Variants in B9D1 observed in about 807,000 individuals in gnomAD.
B9D1 encodes B9 domain-containing protein 1.
In B9D1, 20 loss-of-function variants were observed where a neutral mutation model predicts 26.1. That is an observed-to-expected ratio of 0.77 (90% CI 0.54 to 1.12). The LOEUF (loss-of-function observed/expected upper bound fraction) is 1.12, where lower values mean the gene tolerates loss of function less well. Among genes scored for constraint, B9D1 ranks in the 50% most tolerant of loss-of-function variants. B9D1 has a pLI of 0.00. For missense variants in B9D1, 260 were observed against 273.7 expected, an observed-to-expected ratio of 0.95 and a Z score of 0.35; for synonymous variants, 105 against 103.1, an observed-to-expected ratio of 1.02 and a Z score of -0.11.
chr17:19,343,508 G>A, intron 6 of B9D1, 47 bp from the exon 7 acceptor site: 7 of 1,613,254 alleles, frequency 4.3e-6, no homozygotes, highest in Non-Finnish European at 5.9e-6. Context: ...GGGGCAGAGA[G>A]AGACCCAGGT....
upstream of B9D1, among the ~76,000 whole-genome samples, chr17:19,365,836 TG>T (rs1181527893): frequency 6.6e-6 from 1 of 152,148 alleles, no homozygotes; most frequent in African/African-American, 2.4e-5. The surrounding 1 kb of genome is among the most constrained non-coding windows in gnomAD (Gnocchi z 5.0). Flanking sequence ...TCCATACATT[TG>T]TAGCTATTCT....
At chr17:19,341,207 C>T, downstream of B9D1, 4 of 1,231,640 alleles carry the variant, frequency 3.2e-6, no homozygotes, top group Non-Finnish European at 4.0e-6. Context: ...CTTGTACGTG[C>T]ACACCACAGG....
downstream of B9D1, among the ~76,000 whole-genome samples, chr17:19,341,658 GT>G (rs1409361732): frequency 6.6e-6 from 1 of 152,238 alleles, no homozygotes; most frequent in African/African-American, 2.4e-5. Context: ...GCATGAGGGA[GT>G]TGTCTAGGGA....
intron 3 of B9D1, among the ~76,000 whole-genome samples, chr17:19,350,760 A>T (rs547323529): frequency 3.2e-4 from 48 of 152,062 alleles, no homozygotes; most frequent in Middle Eastern, 3.4e-3. Flanking sequence ...TTCTATTCCT[A>T]GTTTACTAAG....
rs948414921 is a variant in B9D1, at chr17:19,354,527, T to A, written c.244+3313A>T. ...CAAATGCATACATCTGTGTACTAGCTGCTTTCAAGATTTTCTTTTTGGCTG... is the reference window on the plus strand; with the variant it reads ...CAAATGCATACATCTGTGTACTAGCAGCTTTCAAGATTTTCTTTTTGGCTG... On this transcript the variant is annotated intron_variant, in intron 3 of 6. Transcript: ENST00000261499. Among the ~76,000 whole-genome samples the A allele has an allele frequency of 3.0e-4, 46 of 152,364 alleles. 1 individual carries two copies. Among genetic ancestry groups the A allele is most frequent in the African/African-American group, 1.0e-3 (42 of 41,596 alleles).
At position 19,372,451 on chromosome 17, in the gene B9D1, C is replaced by T. The variant is rs910402254; in HGVS notation, c.-298+5408G>A. ...GCCTTCTCGTGGCCCTGAGATGTGCCACACTCTCACCCGCATCAGCTCTGT... is the reference window on the plus strand; with the variant it reads ...GCCTTCTCGTGGCCCTGAGATGTGCTACACTCTCACCCGCATCAGCTCTGT... On this transcript the variant is annotated intron_variant, in intron 1 of 5. Transcript: ENST00000477478. The surrounding 1 kb of genome is among the most constrained non-coding windows in gnomAD (Gnocchi z 4.4). Among the ~76,000 whole-genome samples the T allele has an allele frequency of 6.6e-6, 1 of 152,216 alleles. No individual in the cohort carries two copies. Among genetic ancestry groups the T allele is most frequent in the African/African-American group, 2.4e-5 (1 of 41,456 alleles).
intron 5 of B9D1, 29 bp from the exon 6 acceptor site, chr17:19,343,886 A>C (rs1330593552): frequency 6.2e-7 from 1 of 1,613,474 alleles, no homozygotes; most frequent in Non-Finnish European, 8.5e-7. Flanking sequence ...ACAGGTGAGC[A>C]GGGCCCCACC....
downstream of B9D1, chr17:19,335,594 C>T: frequency 1.1e-6 from 1 of 896,122 alleles, no homozygotes. Context: ...GGTCCCTGGG[C>T]AACAGTCCCT....
intron 1 of B9D1, among the ~76,000 whole-genome samples, chr17:19,361,642 G>A (rs1911089640): frequency 6.6e-6 from 1 of 152,154 alleles, no homozygotes; most frequent in Non-Finnish European, 1.5e-5. Flanking sequence ...GGAGCATGGA[G>A]TAGTATCCCT....
chr17:19,343,655 C>T, intron 6 of B9D1, 135 bp downstream of exon 6: 1 of 1,596,982 alleles, frequency 6.3e-7, no homozygotes, highest in South Asian at 1.1e-5. Flanking sequence ...CAACCAGGCC[C>T]TCATCTGGGA....
Position 19,357,844 on chromosome 17 carries a change from G to A in B9D1, c.240C>T (p.Tyr80=), listed in dbSNP as rs754203497. 18 of 1,613,300 alleles carry A rather than the reference G, an allele frequency of 1.1e-5. No individual in the cohort carries two copies. The highest frequency in any genetic ancestry group is 3.3e-5 in the Admixed American group (2 of 60,034). Residue 80 remains tyrosine (Y), a synonymous_variant, in exon 3 of 7, where the codon TAC becomes TAT. Transcript: ENST00000261499. The part of the protein sequence containing the change: ...IDVTFKSTNP[Y]GWPQIVLSVY... The stretch of plus-strand genomic sequence containing the variant: ...ACAGGGCCCCTGCAGACTCACAGCC[G>A]TAGGGGTTGGTGCTTTTAAAGGTGA...
chr17:19,349,013 C>G (rs773346276), intron 3 of B9D1, among the ~76,000 whole-genome samples: 72 of 152,164 alleles, frequency 4.7e-4, no homozygotes, highest in Non-Finnish European at 8.4e-4. Context: ...GCACACATCT[C>G]TGGTGGGCAC....
rs1364533835 is a variant in B9D1, at chr17:19,357,851, T to C, written c.233A>G (p.Asn78Ser). Residue 78 changes from asparagine to serine, a missense_variant, in exon 3 of 7, where the codon AAC becomes AGC. Asn to Ser is a conservative substitution (Grantham distance 46, BLOSUM62 1). Transcript: ENST00000261499. ...CCCTGCAGACTCACAGCCGTAGGGG[T>C]TGGTGCTTTTAAAGGTGACATCAAT... ...FPIDVTFKSTNPYGWPQIVLS... is the reference protein window; with the variant it reads ...FPIDVTFKSTSPYGWPQIVLS... 6.2e-7 allele frequency: 1 copy of C among 1,613,384 alleles called. No individual in the cohort carries two copies. The highest frequency in any genetic ancestry group is 1.3e-5 in the African/African-American group (1 of 74,794).
chr17:19,362,813 A>C, upstream of B9D1: 3 of 1,191,312 alleles, frequency 2.5e-6, no homozygotes, highest in Non-Finnish European at 3.5e-6. Flanking sequence ...TAGGGCAGGT[A>C]TGACCGAGAG....
chr17:19,342,960 A>G (rs576615293), downstream of B9D1: 98 of 554,334 alleles, frequency 1.8e-4, no homozygotes, highest in South Asian at 2.1e-3. Context: ...TGCGGTATAG[A>G]AAAGGCCACA....
downstream of B9D1, chr17:19,343,170 T>C: frequency 8.2e-6 from 12 of 1,464,094 alleles, no homozygotes; most frequent in Non-Finnish European, 1.1e-5. Context: ...GCCCCAGGCC[T>C]AGGCTCTCTG....
downstream of B9D1, among the ~76,000 whole-genome samples, chr17:19,339,928 G>A (rs781592590): frequency 6.6e-5 from 10 of 151,970 alleles, no homozygotes; most frequent in African/African-American, 2.4e-4. Context: ...GAGATAGGCT[G>A]GTCAACATGC....
upstream of B9D1, among the ~76,000 whole-genome samples, chr17:19,363,319 G>A (rs1911372646): frequency 1.3e-5 from 2 of 152,248 alleles, no homozygotes; most frequent in Admixed American, 1.3e-4. Flanking sequence ...AGCGGGCGGC[G>A]CCTGGCACCC....
chr17:19,335,554 C>G, downstream of B9D1: 1 of 1,341,352 alleles, frequency 7.5e-7, no homozygotes, highest in South Asian at 1.4e-5. Flanking sequence ...GTCCCGAGGG[C>G]GTGGGGTGGG....
Sources: gnomAD v4.1 joint callset for allele counts (sites outside exome capture counted in the v4.1 genomes callset) on GRCh38, gnomAD v4.1.1 for gene constraint, Gnocchi (gnomAD v3.1) non-coding constraint, MANE v1.5 for transcripts, NCBI Gene and HGNC (gene_info 2026-07-23, HGNC 2026-07-21) for gene names.